CCZ1: variants seen among roughly 807,000 people sequenced by gnomAD.
CCZ1 encodes the protein CCZ1 vacuolar protein trafficking and biogenesis associated, also known as vacuolar fusion protein CCZ1 homolog.
Under a neutral mutation model 57.8 loss-of-function variants are expected in CCZ1, and 19 were observed. The ratio of observed to expected loss-of-function variants is 0.33; its 90% CI spans 0.23 to 0.48. The LOEUF (loss-of-function observed/expected upper bound fraction) is 0.48. Among genes scored for constraint, CCZ1 ranks in the 20% least tolerant of loss-of-function variants. CCZ1 has a pLI of 0.99. For missense variants in CCZ1, 200 were observed against 492.0 expected (o/e 0.41, Z 5.61); for synonymous variants, 81 against 167.0 (o/e 0.49, Z 3.97).
Position 5,905,828 on chromosome 7 carries a change from T to C in CCZ1, c.698+559T>C, listed in dbSNP as rs1441531489. 1.5e-5 allele frequency among the ~76,000 whole-genome samples: 2 copies of C among 131,742 alleles called. 1 individual carries two copies. The highest frequency in any genetic ancestry group is 3.1e-5 in the Non-Finnish European group (2 of 63,652). The allele number at this position is 131,742 out of a possible 152,430, so 86.4% of individuals were successfully genotyped here. On this transcript the variant is annotated intron_variant, in intron 7 of 14. Transcript: ENST00000325974. Reference sequence around the variant, plus strand: ...AAAAAGAGAAAATGTTCCTATCAAGTAAGGTTTAGGAATCCTGTTTTTATT... The same window carrying C: ...AAAAAGAGAAAATGTTCCTATCAAGCAAGGTTTAGGAATCCTGTTTTTATT...
At chr7:5,901,749 C>G (rs759590958) in intron 5 of CCZ1, 45 bp downstream of exon 5, 2 of 1,593,194 alleles carry the variant, frequency 1.3e-6, no homozygotes, top group African/African-American at 2.7e-5. Context: ...GCCACTTACC[C>G]CTATCTCTAG....
At chr7:5,909,161 C>T (rs1032403753) in intron 7 of CCZ1, among the ~76,000 whole-genome samples, 1 of 147,508 alleles carries the variant, frequency 6.8e-6, no homozygotes. Context: ...GTAGGAGTAG[C>T]CTTTTGCAGG....
chr7:5,910,833 TC>T (rs1781958234), intron 8 of CCZ1, among the ~76,000 whole-genome samples: 1 of 147,606 alleles, frequency 6.8e-6, no homozygotes, highest in African/African-American at 2.5e-5. Context: ...CTTCCTGGAT[TC>T]AAACAATTCT....
intron 7 of CCZ1, among the ~76,000 whole-genome samples, chr7:5,906,471 T>A (rs1186513011): frequency 3.4e-5 from 5 of 148,170 alleles, no homozygotes; most frequent in Admixed American, 3.3e-4. Flanking sequence ...TACAGGCATA[T>A]GCCACCATGC....
chr7:5,912,377 C>CTTTTTTTTTTT lies in CCZ1; in HGVS notation c.843-443_843-433dup, dbSNP rs4036238. ...GAGTTAAAACTTACTTCAGCATACCCTTTTTTTTTTTTTTTTTTTTTTTTT... is the reference window on the plus strand; with the variant it reads ...GAGTTAAAACTTACTTCAGCATACCCTTTTTTTTTTTTTTTTTTTTTTTTTTTTTTTTTTTT... On this transcript the variant is annotated intron_variant, in intron 9 of 14. Coordinates refer to ENST00000325974, the MANE Select transcript of CCZ1 (RefSeq NM_015622.6). 2.4e-4 allele frequency among the ~76,000 whole-genome samples: 13 copies of CTTTTTTTTTTT among 54,700 alleles called. 1 individual carries two copies. The highest frequency in any genetic ancestry group is 3.9e-4 in the African/African-American group (5 of 12,744). 35.9% of individuals were successfully genotyped at this position (54,700 alleles called of 152,430 possible).
At position 5,914,869 on chromosome 7, in the gene CCZ1, CTG is replaced by C. The variant is rs1433353404; in HGVS notation, c.954+1917_954+1918del. ...CCAGTCTGGGCAACAGAGCAAGACT[CTG>C]TCTCAGAAAGAAAAAAAAAACACGT... On this transcript the variant is annotated intron_variant, in intron 10 of 14. Transcript: ENST00000325974. 1.6e-4 allele frequency among the ~76,000 whole-genome samples: 11 copies of C among 69,808 alleles called. 1 individual carries two copies. Among genetic ancestry groups the C allele is most frequent in the Middle Eastern group, 8.5e-3 (1 of 118 alleles). 45.8% of individuals were successfully genotyped at this position (69,808 alleles called of 152,430 possible). A position where few individuals can be genotyped will look rare whatever the true frequency, so the allele number is the denominator to read the frequency against.
rs1455179684 is a variant in CCZ1 at position 5,923,046 on chromosome 7, C to T, written c.1107-341C>T. 1.3e-3 allele frequency among the ~76,000 whole-genome samples: 168 copies of T among 134,294 alleles called. 1 individual carries two copies. The highest frequency in any genetic ancestry group is 0.012 in the East Asian group (53 of 4,552). 88.1% of individuals were successfully genotyped at this position (134,294 alleles called of 152,430 possible). On this transcript the variant is annotated intron_variant, in intron 12 of 14. Coordinates refer to ENST00000325974, the MANE Select transcript of CCZ1 (RefSeq NM_015622.6). ...AGAAAAAGAGGGCCAGGGCCGGGCG[C>T]GGGGGCTCACGCCTGTAATCCCTGC...
chr7:5,899,332 G>GT lies in CCZ1; in HGVS notation c.120+413_120+414insT, dbSNP rs1781623164. Among the ~76,000 whole-genome samples the GT allele has an allele frequency of 6.3e-4, 81 of 128,908 alleles. 1 individual carries two copies. Among genetic ancestry groups the GT allele is most frequent in the African/African-American group, 2.1e-3 (78 of 36,434 alleles). The allele number at this position is 128,908 out of a possible 152,430, so 84.6% of individuals were successfully genotyped here. On this transcript the variant is annotated intron_variant, in intron 1 of 14. Coordinates refer to ENST00000325974, the MANE Select transcript of CCZ1 (RefSeq NM_015622.6). The stretch of plus-strand genomic sequence containing the variant: ...GAGGAAATAAATTAATTTCGGGAGG[G>GT]GGGTGTGTGTGTGTGTGTGTGTGTG...
Position 5,926,178 on chromosome 7 carries a change from TG to T in CCZ1, c.*498del, listed in dbSNP as rs200746755. ...GGCTGATGTTTTAATTTTGCAGAGA[TG>T]GGGGGGTCTCACTATGTTGCCCAGG... On this transcript the variant is annotated 3_prime_UTR_variant, in exon 15 of 15. Coordinates refer to ENST00000325974, the MANE Select transcript of CCZ1 (RefSeq NM_015622.6). 70 of 455,432 alleles carry T rather than the reference TG, an allele frequency of 1.5e-4. No individual in the cohort carries two copies. The highest frequency in any genetic ancestry group is 8.5e-4 in the Admixed American group (22 of 26,024). 28.2% of individuals were successfully genotyped at this position (455,432 alleles called of 1,614,324 possible).
At chr7:5,910,915 T>C (rs1381099012) in intron 8 of CCZ1, among the ~76,000 whole-genome samples, 2 of 146,986 alleles carry the variant, frequency 1.4e-5, no homozygotes, top group Non-Finnish European at 3.0e-5. Context: ...TTTATATTTT[T>C]AGTAGAGACG....
intron 7 of CCZ1, 116 bp from the exon 8 acceptor site, chr7:5,909,919 C>G (rs1204459986): frequency 9.8e-6 from 7 of 714,830 alleles, no homozygotes; most frequent in African/African-American, 1.8e-5. Context: ...AGAATTTATT[C>G]TGTGTTACTA....
In CCZ1 at chr7:5,912,962, C is replaced by T. The variant is rs749918920; in HGVS notation, c.954+8C>T. 23 of 1,607,662 alleles carry T rather than the reference C, an allele frequency of 1.4e-5. 1 individual carries two copies. The African/African-American group carries it at 2.6e-4, about 18-fold the overall frequency. On this transcript the variant is annotated splice_region_variant and intron_variant, in intron 10 of 14. Coordinates refer to ENST00000325974, the MANE Select transcript of CCZ1 (RefSeq NM_015622.6). ...CATTTAATCGTTTATAAGGTAACAACTGTTTTCCTTCCAGCGTTAATGATT... is the reference window on the plus strand; with the variant it reads ...CATTTAATCGTTTATAAGGTAACAATTGTTTTCCTTCCAGCGTTAATGATT...
chr7:5,904,174 C>T (rs1451398029), intron 6 of CCZ1, among the ~76,000 whole-genome samples: 5 of 126,880 alleles, frequency 3.9e-5, no homozygotes, highest in African/African-American at 1.6e-4. Context: ...CTCACTGCAA[C>T]CTTAGTCTCC....
intron 7 of CCZ1, among the ~76,000 whole-genome samples, chr7:5,907,196 C>T (rs1781851168): frequency 6.7e-6 from 1 of 149,692 alleles, no homozygotes; most frequent in African/African-American, 2.5e-5. Flanking sequence ...GTTTATCAGG[C>T]AACCTTACAC....
Position 5,910,077 on chromosome 7 carries a change from C to A in CCZ1, c.741C>A (p.Tyr247Ter). The A allele has an allele frequency of 6.3e-7, 1 of 1,583,560 alleles. No homozygotes were observed. Among genetic ancestry groups the A allele is most frequent in the South Asian group, 1.1e-5 (1 of 89,076 alleles). ...EQDDMRILYKYLTTSLFPRHI... is the reference protein window; with the variant it reads ...EQDDMRILYK Reference sequence around the variant, plus strand: ...ATGACATGAGAATTTTATACAAATACCTTACCACCTCCCTTTTTCCAAGGC... The same window carrying A: ...ATGACATGAGAATTTTATACAAATAACTTACCACCTCCCTTTTTCCAAGGC... The change falls in exon 8 of 15, where the codon TAC (tyrosine) becomes TAA (stop). Residue 247 changes from tyrosine (Y) to a stop codon, truncating the protein, a stop_gained. Coordinates refer to ENST00000325974, the MANE Select transcript of CCZ1 (RefSeq NM_015622.6). LOFTEE classifies it high-confidence loss of function.
At chr7:5,904,676 A>G (rs1368510314) in intron 6 of CCZ1, among the ~76,000 whole-genome samples, 2 of 147,082 alleles carry the variant, frequency 1.4e-5, no homozygotes, top group Non-Finnish European at 3.0e-5. Flanking sequence ...CTAAAAATGG[A>G]AAAAAATAGC....
chr7:5,907,847 A>G (rs1781870299), intron 7 of CCZ1, among the ~76,000 whole-genome samples: 1 of 100,742 alleles, frequency 9.9e-6, no homozygotes, highest in South Asian at 4.4e-4. Flanking sequence ...CTGTCATCCC[A>G]GCACTTTGGG....
At chr7:5,911,492 G>A (rs1462617686) in intron 8 of CCZ1, among the ~76,000 whole-genome samples, 2 of 148,732 alleles carry the variant, frequency 1.3e-5, no homozygotes, top group Non-Finnish European at 1.5e-5. Context: ...ATGGGATCTC[G>A]TCATGTTGCC....
At chr7:5,912,376 CCTTTTT>C (rs1779057700) in intron 9 of CCZ1, among the ~76,000 whole-genome samples, 5 of 99,884 alleles carry the variant, frequency 5.0e-5, no homozygotes, top group African/African-American at 1.7e-4. Flanking sequence ...TTCAGCATAC[CCTTTTT>C]TTTTTTTTTT....
Sources: gnomAD v4.1 joint callset for allele counts (sites outside exome capture counted in the v4.1 genomes callset) on GRCh38, gnomAD v4.1.1 for gene constraint, MANE v1.5 for transcripts, NCBI Gene and HGNC (gene_info 2026-07-23, HGNC 2026-07-21) for gene names.